Variants in MBNL1 observed in about 807,000 individuals in gnomAD.
The protein encoded by MBNL1 is muscleblind-like protein 1.
A neutral mutation model predicts 42.2 loss-of-function variants in MBNL1; 8 were observed. The observed-to-expected ratio is 0.19, with a 90% confidence interval of 0.11 to 0.34. MBNL1 has a LOEUF of 0.34. Ranked by LOEUF, MBNL1 falls within the 10% of genes least tolerant of loss-of-function variation. The pLI is 1.00. For missense variants in MBNL1, 309 were observed against 495.3 expected (o/e 0.62, Z 3.57); for synonymous variants, 169 against 173.9 (o/e 0.97, Z 0.22).
chr3:152,375,549 G>A (rs1225907156), intron 2 of MBNL1, among the ~76,000 whole-genome samples: 2 of 152,202 alleles, frequency 1.3e-5, no homozygotes, highest in East Asian at 1.9e-4. Context: ...CAGAGTTCAA[G>A]ACCAGCCTGA....
intron 2 of MBNL1, among the ~76,000 whole-genome samples, chr3:152,314,892 T>G (rs1197201838): frequency 6.6e-6 from 1 of 152,196 alleles, no homozygotes; most frequent in East Asian, 1.9e-4. Context: ...ACTGTTCTTG[T>G]TATAGTCTAA....
chr3:152,288,304 G>T (rs1431930838), intron 1 of MBNL1, among the ~76,000 whole-genome samples: 1 of 152,146 alleles, frequency 6.6e-6, no homozygotes, highest in Non-Finnish European at 1.5e-5. Context: ...ACCTATCTTG[G>T]TTATTTTAAT....
Position 152,459,281 on chromosome 3 carries a change from T to C in MBNL1, c.1103T>C (p.Ile368Thr). ...ATATANQIPI[I>T]SAEHLTSHKY... ...TTTTTTATTTGCTAGATACCCATAA[T>C]ATCTGCCGAACATCTGACTAGCCAC... Residue 368 changes from isoleucine (I) to threonine (T), a missense_variant, in exon 9 of 10, where the codon ATA becomes ACA. By Grantham distance (89) the Ile-to-Thr change is moderately conservative. Coordinates refer to ENST00000324210, the MANE Select transcript of MBNL1 (RefSeq NM_021038.5). The C allele has an allele frequency of 6.3e-7, 1 of 1,584,032 alleles. No homozygotes were observed. Among genetic ancestry groups the C allele is most frequent in the Non-Finnish European group, 8.6e-7 (1 of 1,164,144 alleles).
intron 2 of MBNL1, among the ~76,000 whole-genome samples, chr3:152,317,965 G>A (rs1421087473): frequency 1.3e-5 from 2 of 152,170 alleles, no homozygotes; most frequent in African/African-American, 4.8e-5. Context: ...TGTGAATATA[G>A]TTTTGCAAAA....
At chr3:152,363,465 T>G (rs549524886) in intron 2 of MBNL1, among the ~76,000 whole-genome samples, 16 of 152,316 alleles carry the variant, frequency 1.1e-4, no homozygotes, top group Non-Finnish European at 2.1e-4. Context: ...AGAAGAGCAG[T>G]TCATGGAAGA....
At chr3:152,288,769 G>A (rs1244163763) in intron 1 of MBNL1, among the ~76,000 whole-genome samples, 2 of 152,028 alleles carry the variant, frequency 1.3e-5, no homozygotes, top group Non-Finnish European at 2.9e-5. Context: ...CTGTTTCTTT[G>A]TAAATAATTA....
intron 2 of MBNL1, among the ~76,000 whole-genome samples, chr3:152,397,380 C>G (rs1465473033): frequency 2.6e-5 from 4 of 152,086 alleles, no homozygotes; most frequent in African/African-American, 9.7e-5. Flanking sequence ...CTGACAGGCC[C>G]TGGTGTGTGA....
chr3:152,437,729 T>C (rs2099097580), intron 4 of MBNL1, among the ~76,000 whole-genome samples: 1 of 152,120 alleles, frequency 6.6e-6, no homozygotes, highest in African/African-American at 2.4e-5. Context: ...ACTGACTATC[T>C]TTTAAAAGAC....
intron 1 of MBNL1, among the ~76,000 whole-genome samples, chr3:152,288,220 G>T (rs2053728029): frequency 6.6e-6 from 1 of 152,188 alleles, no homozygotes; most frequent in Non-Finnish European, 1.5e-5. Context: ...GTTTGAGGAG[G>T]ACAAAGTGAG....
At chr3:152,354,454 T>C (rs1389833724) in intron 2 of MBNL1, among the ~76,000 whole-genome samples, 1 of 152,150 alleles carries the variant, frequency 6.6e-6, no homozygotes, top group Non-Finnish European at 1.5e-5. Context: ...AACCTGCCTC[T>C]TAAAAAAGAA....
At chr3:152,442,764 T>TCA (rs1409188045) in intron 4 of MBNL1, among the ~76,000 whole-genome samples, 3 of 152,180 alleles carry the variant, frequency 2.0e-5, no homozygotes, top group Non-Finnish European at 2.9e-5. Context: ...TTTGGGAAGT[T>TCA]CATGTTCCCA....
At position 152,463,090 on chromosome 3, in the gene MBNL1, C is replaced by G. The variant is rs533590712; in HGVS notation, c.*724C>G. 1.1e-4 allele frequency: 17 copies of G among 151,188 alleles called. No individual in the cohort carries two copies. Among genetic ancestry groups the G allele is most frequent in the African/African-American group, 4.1e-4 (17 of 41,192 alleles). 9.4% of individuals were successfully genotyped at this position (151,188 alleles called of 1,614,324 possible). On this transcript the variant is annotated 3_prime_UTR_variant, in exon 10 of 10. Transcript: ENST00000324210. The stretch of plus-strand genomic sequence containing the variant: ...TCTTCAGTGTTATTGTTTTCAGAGC[C>G]ACATTTTGTTGCATATTTGCTAGTA...
chr3:152,340,606 A>G (rs763140814), intron 2 of MBNL1: 1 of 1,613,966 alleles, frequency 6.2e-7, no homozygotes, highest in South Asian at 1.1e-5. Flanking sequence ...AAGTTTGGAA[A>G]CTATCAGCAG....
intron 2 of MBNL1, among the ~76,000 whole-genome samples, chr3:152,380,258 T>C (rs1289663661): frequency 3.3e-5 from 5 of 152,094 alleles, no homozygotes; most frequent in South Asian, 2.1e-4. Flanking sequence ...GTAGAACATA[T>C]TGAATACCTA....
chr3:152,378,402 T>C (rs1407171134), intron 2 of MBNL1, among the ~76,000 whole-genome samples: 1 of 152,160 alleles, frequency 6.6e-6, no homozygotes, highest in African/African-American at 2.4e-5. Context: ...TTTTTAAAAA[T>C]ATTTCTATTT....
rs139010684 is a variant in MBNL1 at position 152,391,143 on chromosome 3, G to A, written c.175-23798G>A. Among the ~76,000 whole-genome samples, 358 of 152,302 alleles carry A rather than the reference G, an allele frequency of 2.4e-3. 1 individual carries two copies. Among genetic ancestry groups the A allele is most frequent in the African/African-American group, 8.4e-3 (350 of 41,558 alleles). ...AGGATTAAGTGCTATGTACAAGGCC[G>A]CAGGGCTGGTAAATGGCAAAATTGG... On this transcript the variant is annotated intron_variant, in intron 2 of 9. Coordinates refer to ENST00000324210, the MANE Select transcript of MBNL1 (RefSeq NM_021038.5).
intron 2 of MBNL1, among the ~76,000 whole-genome samples, chr3:152,337,475 G>A (rs1422017770): frequency 6.6e-6 from 1 of 152,002 alleles, no homozygotes; most frequent in East Asian, 1.9e-4. Context: ...AAAATTAGCT[G>A]GGTGTGGTTG....
chr3:152,374,348 C>G (rs1175383179), intron 2 of MBNL1, among the ~76,000 whole-genome samples: 1 of 152,072 alleles, frequency 6.6e-6, no homozygotes, highest in Non-Finnish European at 1.5e-5. Flanking sequence ...CTTGTAATGA[C>G]CTGATGAAAA....
chr3:152,416,829 C>T lies in MBNL1; in HGVS notation c.345+1718C>T, dbSNP rs532682892. 3.3e-5 allele frequency among the ~76,000 whole-genome samples: 5 copies of T among 152,246 alleles called. No individual in the cohort carries two copies. In the South Asian group the frequency reaches 8.3e-4, roughly 25 times the overall value. On this transcript the variant is annotated intron_variant, in intron 3 of 9. Coordinates refer to ENST00000324210, the MANE Select transcript of MBNL1 (RefSeq NM_021038.5). ...AAATACTAGTAACAAATATATTGTT[C>T]GTGAAATCACTAAATCACAGATTTC...
Sources: gnomAD v4.1 joint callset for allele counts (sites outside exome capture counted in the v4.1 genomes callset) on GRCh38, gnomAD v4.1.1 for gene constraint, MANE v1.5 for transcripts, NCBI Gene and HGNC (gene_info 2026-07-23, HGNC 2026-07-21) for gene names.